SLC2A13: variants seen among roughly 807,000 people sequenced by gnomAD.
The protein encoded by SLC2A13 is solute carrier family 2 member 13.
In SLC2A13, 32 loss-of-function variants were observed where a neutral mutation model predicts 64.4. The observed-to-expected ratio is 0.50, with a 90% CI of 0.37 to 0.67. The LOEUF (loss-of-function observed/expected upper bound fraction) is 0.67. SLC2A13 is among the 30% of genes least tolerant of loss of function. The probability of loss-of-function intolerance (pLI) is 0.00; values close to 1 mark genes in which losing one functional copy is unlikely to be tolerated. For synonymous variants in SLC2A13, 338 were observed against 327.1 expected (o/e 1.03, Z -0.36); for missense variants, 743 against 829.2 (o/e 0.90, Z 1.28).
At chr12:39,848,081 G>A (rs557366960) in intron 6 of SLC2A13, among the ~76,000 whole-genome samples, 135 of 152,160 alleles carry the variant, frequency 8.9e-4, no homozygotes, top group Non-Finnish European at 1.7e-3. Context: ...AACCCTGGAA[G>A]ACAACCTAGG....
At chr12:39,995,217 T>C (rs1331859109) in intron 3 of SLC2A13, among the ~76,000 whole-genome samples, 2 of 152,242 alleles carry the variant, frequency 1.3e-5, no homozygotes, top group African/African-American at 4.8e-5. Context: ...ATGCATACAA[T>C]GTGTAGTGAC....
In SLC2A13 at chr12:40,028,365, G is replaced by T; in HGVS notation, c.861C>A (p.Thr287=). 1 of 1,613,840 alleles carries T rather than the reference G, an allele frequency of 6.2e-7. No individual in the cohort carries two copies. The highest frequency in any genetic ancestry group is 8.5e-7 in the Non-Finnish European group (1 of 1,179,952). The change falls in exon 3 of 10, where the codon ACC becomes ACA. Residue 287 remains threonine (T), a synonymous_variant. Transcript: ENST00000280871. ...TGATGCTATCATATTCCTCATCAATGGTCTGGTTACCACGCATCTGAGATA... is the reference window on the plus strand; with the variant it reads ...TGATGCTATCATATTCCTCATCAATTGTCTGGTTACCACGCATCTGAGATA... The part of the protein sequence containing the change: ...RILSQMRGNQ[T]IDEEYDSIKN...
At position 39,759,433 on chromosome 12, in the gene SLC2A13, T is replaced by G. The variant is rs1013608740; in HGVS notation, c.*593A>C. On this transcript the variant is annotated 3_prime_UTR_variant, in exon 10 of 10. Transcript: ENST00000280871. ...TCTGAAGAACTCCCAATATCTGAAT[T>G]GGAGAGAAACAAAAATATGGAATCC... The G allele has an allele frequency of 1.3e-5, 2 of 152,460 alleles. No homozygotes were observed. Among genetic ancestry groups the G allele is most frequent in the African/African-American group, 4.8e-5 (2 of 41,394 alleles). 9.4% of individuals were successfully genotyped at this position (152,460 alleles called of 1,614,324 possible).
At chr12:39,799,633 T>C (rs12300180) in intron 7 of SLC2A13, among the ~76,000 whole-genome samples, 2,588 of 152,148 alleles carry the variant, frequency 0.017, 79 homozygotes, top group African/African-American at 0.059. Context: ...TCAAAAAGAT[T>C]GGAAAAATCA....
chr12:40,071,347 C>G (rs1937947749), intron 1 of SLC2A13, among the ~76,000 whole-genome samples: 1 of 152,100 alleles, frequency 6.6e-6, no homozygotes, highest in Non-Finnish European at 1.5e-5. Context: ...TTTTAAAAAG[C>G]TGAATCAGTC....
intron 6 of SLC2A13, among the ~76,000 whole-genome samples, chr12:39,836,360 G>C (rs1023621432): frequency 2.0e-5 from 3 of 152,076 alleles, no homozygotes; most frequent in Non-Finnish European, 2.9e-5. Flanking sequence ...TTTCTTACTA[G>C]CTGCAGAGAA....
rs191924588 is a variant in SLC2A13 at position 39,774,755 on chromosome 12, C to A, written c.1446-9897G>T. Among the ~76,000 whole-genome samples the A allele has an allele frequency of 3.4e-4, 52 of 152,082 alleles. 1 individual carries two copies. Among genetic ancestry groups the A allele is most frequent in the African/African-American group, 1.2e-3 (51 of 41,504 alleles). ...TTTCAAAAGCCTTAGAAATTTGGAG[C>A]AAAAAGCCACTTTTTTCCTGAATAA... is the stretch of plus-strand genomic sequence containing the variant. On this transcript the variant is annotated intron_variant, in intron 7 of 9. Transcript: ENST00000280871.
At chr12:39,760,376 C>CA (rs916502791) in intron 9 of SLC2A13, 124 bp from the exon 10 acceptor site, 3 of 722,262 alleles carry the variant, frequency 4.2e-6, no homozygotes, top group Non-Finnish European at 6.7e-6. Context: ...TGAAATGGAC[C>CA]AAAAAATTAC....
chr12:39,882,150 ATACT>A (rs1363354213), intron 4 of SLC2A13, among the ~76,000 whole-genome samples: 1 of 151,924 alleles, frequency 6.6e-6, no homozygotes, highest in African/African-American at 2.4e-5. Flanking sequence ...ACCCACAATA[ATACT>A]TACTATGTGA....
chr12:39,987,138 C>T (rs1434978562), intron 3 of SLC2A13, among the ~76,000 whole-genome samples: 1 of 152,078 alleles, frequency 6.6e-6, no homozygotes, highest in East Asian at 1.9e-4. Context: ...TCAATCATAT[C>T]CAAAGAAAAC....
At chr12:39,960,049 T>C (rs146287539) in intron 3 of SLC2A13, among the ~76,000 whole-genome samples, 50 of 152,356 alleles carry the variant, frequency 3.3e-4, no homozygotes, top group Non-Finnish European at 4.9e-4. Flanking sequence ...TAAATAGCTA[T>C]ATTGTTAGCA....
intron 7 of SLC2A13, among the ~76,000 whole-genome samples, chr12:39,811,987 T>C (rs1009379781): frequency 6.6e-6 from 1 of 152,222 alleles, no homozygotes; most frequent in African/African-American, 2.4e-5. Flanking sequence ...GTTTCTTTTA[T>C]GGTTATCTCA....
intron 3 of SLC2A13, among the ~76,000 whole-genome samples, chr12:39,980,966 C>G (rs1266217696): frequency 6.6e-6 from 1 of 151,694 alleles, no homozygotes; most frequent in African/African-American, 2.4e-5. Flanking sequence ...GAAATTATAA[C>G]AAACTATCTC....
chr12:39,918,274 C>T (rs1381143282), intron 4 of SLC2A13, among the ~76,000 whole-genome samples: 1 of 151,926 alleles, frequency 6.6e-6, no homozygotes, highest in Non-Finnish European at 1.5e-5. Flanking sequence ...TAATATGGCA[C>T]ATCTTACTGG....
At chr12:39,760,367 GAAATGGACCA>G in intron 9 of SLC2A13, 115 bp from the exon 10 acceptor site, 1 of 828,380 alleles carries the variant, frequency 1.2e-6, no homozygotes, top group Non-Finnish European at 1.8e-6. Flanking sequence ...ATCACAGTAT[GAAATGGACCA>G]AAAAATTACT....
At chr12:39,779,097 A>C (rs1047070147) in intron 7 of SLC2A13, among the ~76,000 whole-genome samples, 2 of 152,158 alleles carry the variant, frequency 1.3e-5, no homozygotes, top group African/African-American at 4.8e-5. Context: ...AAGGGCTGGC[A>C]TAAGTTGGAT....
intron 1 of SLC2A13, among the ~76,000 whole-genome samples, chr12:40,103,771 A>G (rs1378061149): frequency 1.3e-5 from 2 of 152,250 alleles, no homozygotes; most frequent in African/African-American, 2.4e-5. Flanking sequence ...TGAGAAAAGA[A>G]TCGTGGTCAC....
chr12:40,098,212 T>C (rs1939028370), intron 1 of SLC2A13, among the ~76,000 whole-genome samples: 1 of 152,118 alleles, frequency 6.6e-6, no homozygotes, highest in Admixed American at 6.5e-5. Flanking sequence ...TGCTACACCA[T>C]GATGAACCTC....
intron 7 of SLC2A13, among the ~76,000 whole-genome samples, chr12:39,815,022 C>A (rs1942302339): frequency 6.6e-6 from 1 of 151,420 alleles, no homozygotes; most frequent in Admixed American, 6.6e-5. Context: ...AGATGGTAAG[C>A]AAGATCTAGT....
Sources: gnomAD v4.1 joint callset for allele counts (sites outside exome capture counted in the v4.1 genomes callset) on GRCh38, gnomAD v4.1.1 for gene constraint, MANE v1.5 for transcripts, NCBI Gene and HGNC (gene_info 2026-07-23, HGNC 2026-07-21) for gene names.